Variants in EYS observed in about 807,000 individuals in gnomAD.
EYS encodes the protein protein eyes shut homolog.
In EYS, 250 loss-of-function variants were observed where a neutral mutation model predicts 282.1. The ratio of observed to expected loss-of-function variants is 0.89; its 90% CI spans 0.80 to 0.98. The LOEUF (loss-of-function observed/expected upper bound fraction) is 0.98, where lower values mean the gene tolerates loss of function less well. EYS is among the 50% of genes least tolerant of loss of function. The probability of loss-of-function intolerance (pLI) is 0.00; values close to 1 mark genes in which losing one functional copy is unlikely to be tolerated. For missense variants in EYS, 4,016 were observed against 3,709.0 expected (o/e 1.08, Z -2.15); for synonymous variants, 1,355 against 1,282.9 (o/e 1.06, Z -1.20).
chr6:65,145,252 G>A lies in EYS; in HGVS notation c.2024-87525C>T, dbSNP rs532510536. ...ATTAATATTTAAAAAACACAAAATC[G>A]AAGAATATTATGAATTTTTTCAACA... is the stretch of plus-strand genomic sequence containing the variant. On this transcript the variant is annotated intron_variant, in intron 12 of 42. Coordinates refer to ENST00000503581, the MANE Select transcript of EYS (RefSeq NM_001142800.2). 6.6e-5 allele frequency among the ~76,000 whole-genome samples: 10 copies of A among 151,588 alleles called. 1 individual carries two copies. The highest frequency in any genetic ancestry group is 2.2e-4 in the African/African-American group (9 of 41,220).
intron 30 of EYS, among the ~76,000 whole-genome samples, chr6:64,300,315 C>G (rs974372749): frequency 6.6e-6 from 1 of 152,170 alleles, no homozygotes; most frequent in Admixed American, 6.5e-5. Context: ...AAAGCAGCAC[C>G]TAGGCAAGTG....
intron 31 of EYS, among the ~76,000 whole-genome samples, chr6:64,116,901 A>G (rs926665287): frequency 2.0e-5 from 3 of 152,154 alleles, no homozygotes; most frequent in Admixed American, 6.5e-5. Flanking sequence ...AGTACTAAAC[A>G]TCAGAACACA....
Position 65,435,581 on chromosome 6 carries a change from T to C in EYS, c.863-30214A>G, listed in dbSNP as rs115903345. On this transcript the variant is annotated intron_variant, in intron 5 of 42. Coordinates refer to ENST00000503581, the MANE Select transcript of EYS (RefSeq NM_001142800.2). ...CAATTTTAACTGGGTGAAGGGCCCA[T>C]GGAATCCTCCTTTATTATTTTCTAC... Among the ~76,000 whole-genome samples the C allele has an allele frequency of 4.6e-3, 701 of 152,162 alleles. 6 individuals carry two copies. Among genetic ancestry groups the C allele is most frequent in the African/African-American group, 0.016 (680 of 41,544 alleles).
intron 31 of EYS, among the ~76,000 whole-genome samples, chr6:64,093,489 C>T (rs1270668590): frequency 1.3e-5 from 2 of 152,174 alleles, no homozygotes; most frequent in Middle Eastern, 3.4e-3. Context: ...CAGTTGGATT[C>T]CTAGGTATTT....
chr6:65,300,462 CTT>C (rs1768788697), intron 11 of EYS, among the ~76,000 whole-genome samples: 2 of 151,916 alleles, frequency 1.3e-5, no homozygotes, highest in Non-Finnish European at 2.9e-5. Context: ...GGGCAGTAGT[CTT>C]AAGTTTTGGA....
At chr6:64,693,541 A>G (rs966156489) in intron 22 of EYS, among the ~76,000 whole-genome samples, 1 of 152,174 alleles carries the variant, frequency 6.6e-6, no homozygotes, top group African/African-American at 2.4e-5. Flanking sequence ...TCAATAGTGA[A>G]TGTAAAGGCT....
At chr6:63,893,182 T>A (rs1005709794) in intron 35 of EYS, among the ~76,000 whole-genome samples, 1 of 152,270 alleles carries the variant, frequency 6.6e-6, no homozygotes, top group East Asian at 1.9e-4. Context: ...TCCTCAAGGA[T>A]CTAGAACTAG....
At chr6:64,652,254 G>A (rs1426028315) in intron 22 of EYS, among the ~76,000 whole-genome samples, 1 of 152,140 alleles carries the variant, frequency 6.6e-6, no homozygotes, top group Admixed American at 6.6e-5. Context: ...TATGGCAATA[G>A]AGAAATTAAC....
intron 12 of EYS, among the ~76,000 whole-genome samples, chr6:65,267,885 A>G (rs1385760917): frequency 6.6e-6 from 1 of 151,894 alleles, no homozygotes; most frequent in African/African-American, 2.4e-5. Flanking sequence ...TTAAACCTAT[A>G]CCTCTTCAAA....
intron 28 of EYS, among the ~76,000 whole-genome samples, chr6:64,431,735 A>T (rs1325164222): frequency 6.6e-6 from 1 of 152,130 alleles, no homozygotes; most frequent in African/African-American, 2.4e-5. Flanking sequence ...CTGCATTTTC[A>T]TACCCAATTC....
At chr6:65,521,363 A>C in intron 2 of EYS, among the ~76,000 whole-genome samples, 1 of 152,296 alleles carries the variant, frequency 6.6e-6, no homozygotes, top group Non-Finnish European at 1.5e-5. Context: ...CCATCAGTGA[A>C]AAGAAGGTAA....
At position 64,996,655 on chromosome 6, in the gene EYS, A is replaced by G. The variant is rs1052630866; in HGVS notation, c.2259+927T>C. 4.6e-5 allele frequency among the ~76,000 whole-genome samples: 7 copies of G among 152,332 alleles called. No homozygotes were observed. In the East Asian group the frequency reaches 1.4e-3, roughly 29 times the overall value. On this transcript the variant is annotated intron_variant, in intron 14 of 42. Transcript: ENST00000503581. ...CTCTGGAGTAACTCTGTTTCTGGTC[A>G]TGGATATGTAAATGCGAGTTACAGT... is the stretch of plus-strand genomic sequence containing the variant.
At position 64,212,902 on chromosome 6, in the gene EYS, C is replaced by T. The variant is rs182508769; in HGVS notation, c.6424+17690G>A. 6.0e-3 allele frequency among the ~76,000 whole-genome samples: 908 copies of T among 152,098 alleles called. 1 individual carries two copies. Among genetic ancestry groups the T allele is most frequent in the African/African-American group, 0.021 (862 of 41,494 alleles). ...GGACTGGATAAAGAAAATTTGGTAC[C>T]TAGACATCATGAAATACTATGTAGC... On this transcript the variant is annotated intron_variant, in intron 31 of 42. Transcript: ENST00000503581.
intron 32 of EYS, among the ~76,000 whole-genome samples, chr6:64,075,779 T>C (rs77450386): frequency 0.059 from 9,017 of 152,028 alleles, 331 homozygotes; most frequent in African/African-American, 0.1. Flanking sequence ...TGCCAAGCAC[T>C]GTTTTATGCA....
At chr6:64,380,393 C>T (rs1399436041) in intron 29 of EYS, among the ~76,000 whole-genome samples, 2 of 152,138 alleles carry the variant, frequency 1.3e-5, no homozygotes, top group Non-Finnish European at 2.9e-5. Context: ...ACTGATGTTG[C>T]TCAAAGCTGA....
intron 18 of EYS, among the ~76,000 whole-genome samples, chr6:64,895,123 C>A (rs1229127819): frequency 2.6e-5 from 4 of 152,000 alleles, no homozygotes; most frequent in Non-Finnish European, 5.9e-5. Context: ...TCCCTACTTA[C>A]CTCACCAGAT....
At chr6:65,495,629 T>C (rs1766230343) in intron 3 of EYS, 22 bp from the exon 4 acceptor site, 4 of 596,472 alleles carry the variant, frequency 6.7e-6, no homozygotes, top group South Asian at 2.1e-5. Flanking sequence ...AAAAAACATA[T>C]ATTGTTAGTG....
intron 41 of EYS, among the ~76,000 whole-genome samples, chr6:63,757,906 T>A (rs1255208259): frequency 6.6e-6 from 1 of 152,162 alleles, no homozygotes; most frequent in African/African-American, 2.4e-5. Context: ...TTTGTTTGTT[T>A]GTTTTCTATT....
intron 2 of EYS, among the ~76,000 whole-genome samples, chr6:65,558,236 C>T (rs966460387): frequency 7.2e-5 from 11 of 152,250 alleles, no homozygotes; most frequent in African/African-American, 2.7e-4. Context: ...CCTCAGACAC[C>T]TGGCCTCCCT....
Sources: allele counts gnomAD v4.1 joint callset (sites outside exome capture counted in the v4.1 genomes callset), GRCh38; gene constraint gnomAD v4.1.1; transcripts MANE v1.5; gene names NCBI Gene and HGNC (gene_info 2026-07-23, HGNC 2026-07-21).